Variants in WWP1 observed in about 807,000 individuals in gnomAD.
The protein encoded by WWP1 is WW domain containing E3 ubiquitin protein ligase 1, also known as NEDD4-like E3 ubiquitin-protein ligase WWP1.
A neutral mutation model predicts 130.6 loss-of-function variants in WWP1; 49 were observed. The observed-to-expected ratio is 0.38, with a 90% CI of 0.30 to 0.48. The LOEUF (loss-of-function observed/expected upper bound fraction) is 0.48, where lower values mean the gene tolerates loss of function less well. Ranked by LOEUF, WWP1 falls within the 20% of genes least tolerant of loss-of-function variation. The pLI, the probability that WWP1 is intolerant of heterozygous loss-of-function variation, is 0.99. For missense variants in WWP1, 809 were observed against 1,100.6 expected, an observed-to-expected ratio of 0.74 and a Z score of 3.75; for synonymous variants, 332 against 367.8, an observed-to-expected ratio of 0.90 and a Z score of 1.11.
intron 24 of WWP1, among the ~76,000 whole-genome samples, chr8:86,464,530 T>C (rs548067652): frequency 5.3e-5 from 8 of 152,246 alleles, no homozygotes; most frequent in Admixed American, 2.0e-4. Flanking sequence ...ATTTTTTTTT[T>C]CCCAAGATAG....
At chr8:86,423,734 T>C (rs1276416350) in intron 9 of WWP1, among the ~76,000 whole-genome samples, 1 of 152,148 alleles carries the variant, frequency 6.6e-6, no homozygotes, top group African/African-American at 2.4e-5. Context: ...AATGAGCTGT[T>C]TGGTACACTT....
At chr8:86,429,435 A>G (rs537809391) in intron 11 of WWP1, among the ~76,000 whole-genome samples, 1 of 152,322 alleles carries the variant, frequency 6.6e-6, no homozygotes, top group Non-Finnish European at 1.5e-5. Flanking sequence ...GATTATATTC[A>G]TCAAGATGCA....
At chr8:86,435,773 G>A in intron 16 of WWP1, 69 bp downstream of exon 16, 1 of 1,505,826 alleles carries the variant, frequency 6.6e-7, no homozygotes, top group Non-Finnish European at 9.1e-7. Flanking sequence ...AAGAAAGTCA[G>A]GGTTTTAGAG....
intron 8 of WWP1, 22 bp downstream of exon 8, chr8:86,402,225 A>T: frequency 1.2e-6 from 2 of 1,605,782 alleles, no homozygotes; most frequent in Middle Eastern, 1.7e-4. Context: ...TATTTATGAC[A>T]CCTTGTTTAA....
At chr8:86,466,279 A>T (rs1027698976) in intron 24 of WWP1, among the ~76,000 whole-genome samples, 1 of 152,222 alleles carries the variant, frequency 6.6e-6, no homozygotes, top group Non-Finnish European at 1.5e-5. Context: ...AAGAGTTTAT[A>T]TATGTGGTTA....
At chr8:86,379,237 A>G (rs1824846961) in intron 3 of WWP1, among the ~76,000 whole-genome samples, 1 of 152,198 alleles carries the variant, frequency 6.6e-6, no homozygotes, top group Non-Finnish European at 1.5e-5. Context: ...GTTTGGAACG[A>G]TGAAGGATGG....
intron 21 of WWP1, among the ~76,000 whole-genome samples, chr8:86,454,664 G>A (rs752610939): frequency 6.6e-6 from 1 of 152,086 alleles, no homozygotes; most frequent in South Asian, 2.1e-4. Flanking sequence ...TGCACTCAGA[G>A]AGGGATGTTA....
intron 11 of WWP1, 78 bp from the exon 12 acceptor site, chr8:86,430,619 C>A: frequency 8.4e-7 from 1 of 1,185,962 alleles, no homozygotes; most frequent in Non-Finnish European, 1.2e-6. Flanking sequence ...TGTGATTCTG[C>A]CACATGCTTG....
At chr8:86,404,156 G>A (rs960426327) in intron 8 of WWP1, among the ~76,000 whole-genome samples, 2 of 152,122 alleles carry the variant, frequency 1.3e-5, no homozygotes, top group African/African-American at 4.8e-5. Flanking sequence ...TGAATTTTTG[G>A]ATTAGGGATG....
chr8:86,449,838 C>T (rs998999275), intron 20 of WWP1, among the ~76,000 whole-genome samples: 1 of 151,760 alleles, frequency 6.6e-6, no homozygotes, highest in Admixed American at 6.6e-5. Flanking sequence ...TTTTTTTTGT[C>T]TTAAGGACAG....
intron 17 of WWP1, 61 bp from the exon 18 acceptor site, chr8:86,442,558 A>C: frequency 7.0e-7 from 1 of 1,430,942 alleles, no homozygotes; most frequent in East Asian, 2.5e-5. Context: ...AATATATTTA[A>C]GATCTGTTTT....
chr8:86,462,179 T>C (rs1431524973), intron 24 of WWP1, among the ~76,000 whole-genome samples: 2 of 151,966 alleles, frequency 1.3e-5, no homozygotes, highest in African/African-American at 4.8e-5. Flanking sequence ...TATTTGCAAA[T>C]CCTGGGAAGT....
intron 3 of WWP1, among the ~76,000 whole-genome samples, chr8:86,380,266 A>G (rs1824906796): frequency 6.6e-6 from 1 of 152,126 alleles, no homozygotes; most frequent in Admixed American, 6.6e-5. Context: ...AACCCACATT[A>G]TATGATTCCA....
At chr8:86,413,551 G>A (rs962873529) in intron 9 of WWP1, among the ~76,000 whole-genome samples, 3 of 152,210 alleles carry the variant, frequency 2.0e-5, no homozygotes, top group South Asian at 4.1e-4. Flanking sequence ...GCTATGACAC[G>A]TCAGTGGATT....
At chr8:86,366,449 C>T (rs1320487928) in intron 1 of WWP1, among the ~76,000 whole-genome samples, 1 of 152,084 alleles carries the variant, frequency 6.6e-6, no homozygotes, top group Non-Finnish European at 1.5e-5. Context: ...GTAAATGATT[C>T]GGAGGGCTAA....
chr8:86,391,211 C>G (rs1563490320), intron 5 of WWP1, among the ~76,000 whole-genome samples: 1 of 152,178 alleles, frequency 6.6e-6, no homozygotes, highest in Admixed American at 6.5e-5. Flanking sequence ...GCTTTCACTC[C>G]TTAACCTTCA....
At chr8:86,423,299 A>G (rs1022901744) in intron 9 of WWP1, among the ~76,000 whole-genome samples, 3 of 151,970 alleles carry the variant, frequency 2.0e-5, no homozygotes, top group Non-Finnish European at 2.9e-5. Context: ...TCACAGGACA[A>G]TAGTGGAGGG....
chr8:86,371,485 G>GT (rs972434091), intron 2 of WWP1, among the ~76,000 whole-genome samples: 53 of 152,126 alleles, frequency 3.5e-4, no homozygotes, highest in African/African-American at 1.2e-3. Flanking sequence ...ACTGTTGCAT[G>GT]TTTTTTGCCA....
rs61141803 is a variant in WWP1, at chr8:86,451,214, T to TAAAAAAAAAAAAAAAAAA, written c.2274-1323_2274-1306dup. Among the ~76,000 whole-genome samples, 20 of 43,680 alleles carry TAAAAAAAAAAAAAAAAAA rather than the reference T, an allele frequency of 4.6e-4. 5 individuals are homozygous for TAAAAAAAAAAAAAAAAAA. The highest frequency in any genetic ancestry group is 7.6e-4 in the Non-Finnish European group (18 of 23,622). The allele number at this position is 43,680 out of a possible 152,430, so 28.7% of individuals were successfully genotyped here. A position where few individuals can be genotyped will look rare whatever the true frequency, so the allele number is the denominator to read the frequency against. On this transcript the variant is annotated intron_variant, in intron 20 of 24. Transcript: ENST00000517970. ...GCAACCGAGTGAGACCCTATGTTATTAAAAAAAAAAAAAAAAAAAAAAAAA... is the reference window on the plus strand; with the variant it reads ...GCAACCGAGTGAGACCCTATGTTATTAAAAAAAAAAAAAAAAAAAAAAAAAAAAAAAAAAAAAAAAAAA...
Sources: gnomAD v4.1 joint callset for allele counts (sites outside exome capture counted in the v4.1 genomes callset) on GRCh38, gnomAD v4.1.1 for gene constraint, MANE v1.5 for transcripts, NCBI Gene and HGNC (gene_info 2026-07-23, HGNC 2026-07-21) for gene names.